TENM3: variants seen among roughly 807,000 people sequenced by gnomAD.
TENM3 encodes the protein teneurin-3.
A neutral mutation model predicts 255.1 loss-of-function variants in TENM3; 63 were observed. The ratio of observed to expected loss-of-function variants is 0.25; its 90% confidence interval spans 0.20 to 0.30. TENM3 has a LOEUF of 0.30. Ranked by LOEUF, TENM3 falls within the 10% of genes least tolerant of loss-of-function variation. TENM3 has a pLI of 1.00. For missense variants in TENM3, 2,929 were observed against 3,461.1 expected, an observed-to-expected ratio of 0.85 and a Z score of 3.86; for synonymous variants, 1,306 against 1,322.3, an observed-to-expected ratio of 0.99 and a Z score of 0.27.
chr4:181,527,494 A>G, the TENM3 span, among the ~76,000 whole-genome samples: 1 of 151,882 alleles, frequency 6.6e-6, no homozygotes, highest in East Asian at 1.9e-4. Context: ...TCAGCCTCCC[A>G]AGCAGCAGGG....
chr4:181,928,788 G>A, the TENM3 span, among the ~76,000 whole-genome samples: 4 of 152,188 alleles, frequency 2.6e-5, no homozygotes, highest in African/African-American at 7.2e-5. Flanking sequence ...GAGTAAGATC[G>A]GGTTACCCAC....
At chr4:182,465,758 A>G (rs1319162394) in intron 3 of TENM3, among the ~76,000 whole-genome samples, 1 of 152,192 alleles carries the variant, frequency 6.6e-6, no homozygotes, top group Non-Finnish European at 1.5e-5. Flanking sequence ...GAAATTCACT[A>G]CTAACCATAT....
chr4:182,683,390 C>G (rs1161648235), intron 11 of TENM3, among the ~76,000 whole-genome samples: 2 of 152,142 alleles, frequency 1.3e-5, no homozygotes, highest in African/African-American at 4.8e-5. Flanking sequence ...TGAACACCAA[C>G]ATGATGCTCA....
At chr4:181,841,633 T>G in the TENM3 span, among the ~76,000 whole-genome samples, 1 of 152,210 alleles carries the variant, frequency 6.6e-6, no homozygotes, top group Admixed American at 6.5e-5. Context: ...TTTGGGTGTT[T>G]AAATATTCTT....
chr4:181,645,582 T>TAA, the TENM3 span, among the ~76,000 whole-genome samples: 4 of 152,110 alleles, frequency 2.6e-5, no homozygotes, highest in African/African-American at 9.7e-5. Context: ...GTGAAATGCT[T>TAA]AAAAATATGA....
intron 2 of TENM3, among the ~76,000 whole-genome samples, chr4:182,326,973 C>T (rs904375653): frequency 2.6e-5 from 4 of 152,064 alleles, no homozygotes; most frequent in African/African-American, 7.2e-5. Context: ...GTGAGGGTGG[C>T]GTTGCGGATG....
the TENM3 span, among the ~76,000 whole-genome samples, chr4:181,743,126 G>T: frequency 6.6e-6 from 1 of 151,860 alleles, no homozygotes; most frequent in Middle Eastern, 3.2e-3. Context: ...GAATAGTGCC[G>T]CAGTAAACAT....
chr4:182,450,230 C>T (rs1471162799), intron 3 of TENM3, among the ~76,000 whole-genome samples: 1 of 152,198 alleles, frequency 6.6e-6, no homozygotes, highest in Non-Finnish European at 1.5e-5. Context: ...TTAAATGTTT[C>T]AGAGAGCCAT....
chr4:182,239,283 G>C (rs2150055470), upstream of TENM3, among the ~76,000 whole-genome samples: 1 of 151,968 alleles, frequency 6.6e-6, no homozygotes, highest in East Asian at 1.9e-4. Flanking sequence ...TCACCATGTT[G>C]GCCAGGCTGG....
chr4:182,448,101 C>T (rs1370942998), intron 3 of TENM3, among the ~76,000 whole-genome samples: 1 of 152,380 alleles, frequency 6.6e-6, no homozygotes, highest in South Asian at 2.1e-4. Flanking sequence ...GCCACTTGCA[C>T]ACATGCCTTC....
intron 3 of TENM3, among the ~76,000 whole-genome samples, chr4:182,514,045 C>T (rs929416765): frequency 6.6e-6 from 1 of 152,242 alleles, no homozygotes; most frequent in African/African-American, 2.4e-5. Flanking sequence ...CTAACCAACC[C>T]TGATGCTTCT....
At chr4:182,721,596 C>A (rs1245506481) in intron 13 of TENM3, among the ~76,000 whole-genome samples, 7 of 152,042 alleles carry the variant, frequency 4.6e-5, no homozygotes, top group African/African-American at 1.7e-4. Flanking sequence ...ACAAATATTT[C>A]TTTAGGATGG....
the TENM3 span, among the ~76,000 whole-genome samples, chr4:181,621,420 C>T: frequency 8.5e-5 from 13 of 152,222 alleles, no homozygotes; most frequent in East Asian, 3.9e-4. Context: ...AGCAATTTGA[C>T]GAGTTAACTA....
chr4:181,863,671 G>A, the TENM3 span, among the ~76,000 whole-genome samples: 4 of 151,986 alleles, frequency 2.6e-5, no homozygotes, highest in African/African-American at 9.7e-5. Context: ...GTAGGCCACA[G>A]GCAAGAATCA....
At chr4:182,338,435 A>G (rs562157741) in intron 2 of TENM3, among the ~76,000 whole-genome samples, 28 of 152,340 alleles carry the variant, frequency 1.8e-4, no homozygotes, top group African/African-American at 6.3e-4. Context: ...TCTGTTTCCA[A>G]ATAAAAAAGA....
chr4:182,452,655 C>T (rs1773561249), intron 3 of TENM3, among the ~76,000 whole-genome samples: 1 of 152,160 alleles, frequency 6.6e-6, no homozygotes, highest in African/African-American at 2.4e-5. Context: ...ATGATAAGTG[C>T]TATTTTGGCT....
chr4:181,552,943 C>CCA, the TENM3 span, among the ~76,000 whole-genome samples: 3 of 152,134 alleles, frequency 2.0e-5, no homozygotes, highest in African/African-American at 7.2e-5. Flanking sequence ...CACGCACGCA[C>CCA]CACACACACA....
At chr4:182,362,381 AG>A (rs1766072390) in intron 3 of TENM3, among the ~76,000 whole-genome samples, 2 of 36 alleles carry the variant, frequency 0.056, no homozygotes, top group Non-Finnish European at 0.17. Flanking sequence ...ACCCAGTTGG[AG>A]AGCTTCCCGG....
chr4:182,631,684 C>T (rs1018936768), intron 5 of TENM3: 15 of 152,170 alleles, frequency 9.9e-5, no homozygotes, highest in African/African-American at 3.4e-4. Context: ...ATTGACCTTG[C>T]AACCTTTAAC....
Sources: allele counts gnomAD v4.1 joint callset (sites outside exome capture counted in the v4.1 genomes callset), GRCh38; gene constraint gnomAD v4.1.1; transcripts MANE v1.5; gene names NCBI Gene and HGNC (gene_info 2026-07-23, HGNC 2026-07-21).